CACNA1F: variants seen among roughly 807,000 people sequenced by gnomAD.
The protein encoded by CACNA1F is calcium voltage-gated channel subunit alpha1 F, also known as voltage-dependent L-type calcium channel subunit alpha-1F.
A neutral mutation model predicts 143.8 loss-of-function variants in CACNA1F; 59 were observed. That is an observed-to-expected ratio of 0.41 (90% CI 0.33 to 0.51). The LOEUF is 0.51. Ranked by LOEUF, CACNA1F falls within the 20% of genes least tolerant of loss-of-function variation. The probability of loss-of-function intolerance (pLI) is 0.22; values close to 1 mark genes in which losing one functional copy is unlikely to be tolerated. For missense variants in CACNA1F, 1,411 were observed against 1,647.5 expected, an observed-to-expected ratio of 0.86 and a Z score of 2.48; for synonymous variants, 643 against 649.1, an observed-to-expected ratio of 0.99 and a Z score of 0.14.
intron 40 of CACNA1F, 29 bp from the exon 41 acceptor site, chrX:49,209,788 A>T (rs1557105787): frequency 1.6e-5 from 19 of 1,207,505 alleles, no homozygotes; most frequent in Non-Finnish European, 2.0e-5. Context: ...AGGCAAGATC[A>T]CACAGGGGCC....
chrX:49,225,071 C>A (rs1171604640), intron 13 of CACNA1F, 85 bp from the exon 14 acceptor site: 4 of 616,534 alleles, frequency 6.5e-6, no homozygotes, highest in Non-Finnish European at 1.1e-5. Context: ...TGGGGTGACC[C>A]ACGGTAGCTG....
At chrX:49,215,040 A>G (rs782790708) in intron 29 of CACNA1F, 46 bp downstream of exon 29, 2 of 1,139,403 alleles carry the variant, frequency 1.8e-6, no homozygotes, top group East Asian at 3.0e-5. Context: ...TTATGTGGAG[A>G]TAATAGGGTC....
intron 1 of CACNA1F, 172 bp downstream of exon 1, chrX:49,233,113 T>C: frequency 2.0e-6 from 1 of 493,508 alleles, no homozygotes; most frequent in Non-Finnish European, 3.6e-6. Context: ...AGGCTGAGCG[T>C]TAGGGCTCTG....
At chrX:49,229,717 C>T (rs1446405465) in intron 6 of CACNA1F, among the ~76,000 whole-genome samples, 1 of 97,463 alleles carries the variant, frequency 1.0e-5, no homozygotes, top group South Asian at 3.7e-4. Flanking sequence ...CTCCTGGGTT[C>T]ACGCCATTCT....
At chrX:49,228,812 C>T (rs1206356313) in intron 6 of CACNA1F, among the ~76,000 whole-genome samples, 4 of 112,405 alleles carry the variant, frequency 3.6e-5, no homozygotes, top group African/African-American at 1.3e-4. Flanking sequence ...TGTGATCCGC[C>T]CGCCTCGGCC....
Position 49,206,752 on chromosome X carries a change from G to A in CACNA1F, c.5335C>T (p.Arg1779Cys), listed in dbSNP as rs782100284. Residue 1779 changes from arginine (R) to cysteine (C), a missense_variant, in exon 45 of 48, where the codon CGT becomes TGT. Physicochemically the swap from Arg to Cys is radical, Grantham distance 180. This residue lies in a region of CACNA1F where 349 missense variants were observed against 350.2 expected (regional missense o/e 1.00). Coordinates refer to ENST00000323022, the MANE Select transcript of CACNA1F (RefSeq NM_001256789.3). ...YMDGHLVPRR[R>C]LLPPTPAGRK... ...CCTGCAGGTGTGGGGGGCAGCAGACGGCGGCGTGGTACCAGGTGCCCATCC... is the reference window on the plus strand; with the variant it reads ...CCTGCAGGTGTGGGGGGCAGCAGACAGCGGCGTGGTACCAGGTGCCCATCC... 44 of 1,207,110 alleles carry A rather than the reference G, an allele frequency of 3.6e-5. No individual in the cohort carries two copies. The highest frequency in any genetic ancestry group is 4.8e-5 in the Non-Finnish European group (43 of 892,735).
Position 49,226,060 on chromosome X carries a change from G to A in CACNA1F, c.1500C>T (p.Leu500=), listed in dbSNP as rs781928548. 21 of 1,189,731 alleles carry A rather than the reference G, an allele frequency of 1.8e-5. No individual in the cohort carries two copies. The highest frequency in any genetic ancestry group is 2.3e-5 in the Non-Finnish European group (20 of 884,784). ...KIMKTRVCRR[L]RRANRVLRAR... ...CCCGAAGGACCCGGTTGGCTCGGCG[G>A]AGGCGGCGGCTGGGGGAAGGGGAGC... Residue 500 remains leucine (L), a synonymous_variant, in exon 13 of 48, where the codon CTC becomes CTT. Transcript: ENST00000323022.
At chrX:49,217,303 A>C (rs1300085205) in intron 26 of CACNA1F, among the ~76,000 whole-genome samples, 2 of 112,897 alleles carry the variant, frequency 1.8e-5, no homozygotes, top group East Asian at 5.5e-4. Flanking sequence ...TACAAAGTAC[A>C]TTTTCCATGT....
chrX:49,216,609 A>G, intron 26 of CACNA1F, 81 bp from the exon 27 acceptor site: 1 of 895,660 alleles, frequency 1.1e-6, no homozygotes, highest in African/African-American at 1.9e-5. Flanking sequence ...GCATGGAGGC[A>G]GCAGGACATA....
At chrX:49,225,860 T>C in intron 13 of CACNA1F, 49 bp downstream of exon 13, 1 of 1,137,997 alleles carries the variant, frequency 8.8e-7, no homozygotes, top group Non-Finnish European at 1.2e-6. Context: ...GCTTCTGGGG[T>C]AGAAGGAATA....
rs782006249 is a variant in CACNA1F at position 49,208,540 on chromosome X, G to C, written c.5098C>G (p.Pro1700Ala). ...CTGTGGGTGTTGGATCCAGCCTGGG[G>C]CACACTGGGCTGACTGGAGGTGGGA... ...GTPTSSQPSV[P>A]QAGSNTHRRG... The change falls in exon 43 of 48, where the codon CCC becomes GCC. Residue 1700 changes from proline to alanine, a missense_variant. Pro to Ala is a conservative substitution (Grantham distance 27). This residue lies in a region of CACNA1F where 349 missense variants were observed against 350.2 expected (regional missense o/e 1.00). Transcript: ENST00000323022. The C allele has an allele frequency of 5.0e-6, 6 of 1,209,310 alleles. No individual in the cohort carries two copies. Among genetic ancestry groups the C allele is most frequent in the South Asian group, 1.8e-5 (1 of 56,629 alleles).
rs782498192 is a variant in CACNA1F, at chrX:49,228,394, C to T, written c.871G>A (p.Ala291Thr). The T allele has an allele frequency of 8.3e-7, 1 of 1,209,013 alleles. No individual in the cohort carries two copies. Among genetic ancestry groups the T allele is most frequent in the African/African-American group, 1.7e-5 (1 of 57,595 alleles). Residue 291 changes from alanine (A) to threonine (T), a missense_variant, in exon 7 of 48, where the codon GCG becomes ACG. Transcript: ENST00000323022. ...CACTCAGTCTGGTTCAGCGTGCACGCACGCCCTGATCCCGAAGACGCACAG... is the reference window on the plus strand; with the variant it reads ...CACTCAGTCTGGTTCAGCGTGCACGTACGCCCTGATCCCGAAGACGCACAG... ...SPCASSGSGR[A>T]CTLNQTECRG...
intron 1 of CACNA1F, 179 bp downstream of exon 1, chrX:49,233,106 C>T: frequency 6.2e-6 from 3 of 481,422 alleles, no homozygotes; most frequent in Admixed American, 3.0e-5. Flanking sequence ...CTGGGTCAGG[C>T]TGAGCGTTAG....
In CACNA1F at chrX:49,226,402, C is replaced by T. The variant is rs781783069; in HGVS notation, c.1463+7G>A. 2.5e-6 allele frequency: 3 copies of T among 1,178,459 alleles called. No homozygotes were observed. Among genetic ancestry groups the T allele is most frequent in the Non-Finnish European group, 1.1e-6 (1 of 876,726 alleles). On this transcript the variant is annotated splice_region_variant and intron_variant, in intron 11 of 47. Coordinates refer to ENST00000323022, the MANE Select transcript of CACNA1F (RefSeq NM_001256789.3). ...TCTGGGCTGGGTCAGGGGCTGGGGG[C>T]CCTCACAGGCAGCGTGTACAGCTGG...
At chrX:49,216,981 G>A (rs1239762319) in intron 26 of CACNA1F, among the ~76,000 whole-genome samples, 1 of 111,127 alleles carries the variant, frequency 9.0e-6, no homozygotes, top group African/African-American at 3.3e-5. Context: ...TTGAGACGGA[G>A]TCTTGAAAAA....
chrX:49,217,219 A>T (rs979180584), intron 26 of CACNA1F, among the ~76,000 whole-genome samples: 1 of 112,771 alleles, frequency 8.9e-6, no homozygotes. Context: ...TTGGCCTCCC[A>T]AAGTGCTGGG....
chrX:49,222,790 C>A lies in CACNA1F; in HGVS notation c.2134G>T (p.Ala712Ser). The A allele has an allele frequency of 8.3e-7, 1 of 1,210,146 alleles. No individual in the cohort carries two copies. The highest frequency in any genetic ancestry group is 1.8e-5 in the South Asian group (1 of 56,927). The change falls in exon 16 of 48, where the codon GCA becomes TCA. Residue 712 changes from alanine to serine, a missense_variant. Ala to Ser is a moderately conservative substitution (Grantham distance 99, BLOSUM62 1). Around this residue, in one of 3 missense-constraint regions of CACNA1F, gnomAD observed 950 missense variants for 1,128.1 expected, o/e 0.84. Transcript: ENST00000323022. ...CCTGGGAAGAAGGGGCCACCATATG[C>A]CATGATACCATCATACATGACCACG... ...WNVVMYDGIM[A>S]YGGPFFPGML... is the part of the protein sequence containing the mutation.
chrX:49,208,867 C>T, intron 42 of CACNA1F, 183 bp from the exon 43 acceptor site: 1 of 478,036 alleles, frequency 2.1e-6, no homozygotes, highest in Non-Finnish European at 3.7e-6. Context: ...TGTCCTGTCA[C>T]CAGGCGGGAG....
In CACNA1F at chrX:49,207,619, G is replaced by A. The variant is rs191911431; in HGVS notation, c.5124-507C>T. Among the ~76,000 whole-genome samples, 9 of 108,766 alleles carry A rather than the reference G, an allele frequency of 8.3e-5. No homozygotes were observed. The Admixed American group carries it at 8.8e-4, about 11-fold the overall frequency. 94.5% of individuals were successfully genotyped at this position (108,766 alleles called of 115,157 possible). A position where few individuals can be genotyped will look rare whatever the true frequency, so the allele number is the denominator to read the frequency against. On this transcript the variant is annotated intron_variant, in intron 43 of 47. Transcript: ENST00000323022. ...CTATTTTTTTATTTTTTGTATGGAC[G>A]GGGTCTCATTATGTTGTGCAGGCTG...
Sources: gnomAD v4.1 joint callset for allele counts (sites outside exome capture counted in the v4.1 genomes callset) on GRCh38, gnomAD v4.1.1 for gene constraint, gnomAD v4.1.1 regional missense constraint, MANE v1.5 for transcripts, NCBI Gene and HGNC (gene_info 2026-07-23, HGNC 2026-07-21) for gene names.